Variants in SFRP1 observed in about 807,000 individuals in gnomAD.
SFRP1 encodes secreted frizzled related protein 1.
Under a neutral mutation model 25.9 loss-of-function variants are expected in SFRP1, and 9 were observed. That is an observed-to-expected ratio of 0.35 (90% CI 0.21 to 0.61). The LOEUF (loss-of-function observed/expected upper bound fraction) is 0.61. Ranked by LOEUF, SFRP1 falls within the 20% of genes least tolerant of loss-of-function variation. SFRP1 has a pLI of 0.78. For synonymous variants in SFRP1, 178 were observed against 174.0 expected (o/e 1.02, Z -0.18); for missense variants, 346 against 418.2 (o/e 0.83, Z 1.51).
chr8:41,286,583 A>G (rs1411289449), intron 2 of SFRP1, among the ~76,000 whole-genome samples: 4 of 152,114 alleles, frequency 2.6e-5, no homozygotes, highest in Admixed American at 6.6e-5. Flanking sequence ...GTCCGTTCCC[A>G]AAGAGTCACA....
At chr8:41,293,009 C>A (rs757882133) in intron 2 of SFRP1, among the ~76,000 whole-genome samples, 1 of 152,216 alleles carries the variant, frequency 6.6e-6, no homozygotes, top group South Asian at 2.1e-4. Flanking sequence ...GTGGAAGCAG[C>A]GGCTGCGGGT....
chr8:41,299,020 G>A (rs1361736317), intron 2 of SFRP1, among the ~76,000 whole-genome samples: 1 of 152,020 alleles, frequency 6.6e-6, no homozygotes, highest in Non-Finnish European at 1.5e-5. Flanking sequence ...CAAAGATGAG[G>A]ACATGATGCA....
intron 2 of SFRP1, among the ~76,000 whole-genome samples, chr8:41,298,556 G>A (rs576101161): frequency 2.0e-5 from 3 of 152,118 alleles, no homozygotes; most frequent in Non-Finnish European, 4.4e-5. Context: ...ACAGGTGCAT[G>A]ACACCATGCC....
chr8:41,308,420 G>A (rs902115467), intron 1 of SFRP1, among the ~76,000 whole-genome samples, 196 bp downstream of exon 1: 3 of 152,260 alleles, frequency 2.0e-5, no homozygotes, highest in African/African-American at 7.2e-5. Flanking sequence ...CCTGGGTCGC[G>A]AGGGGCGCTG....
chr8:41,309,041 T>C lies in SFRP1; in HGVS notation c.119A>G (p.Gln40Arg). The C allele has an allele frequency of 6.2e-7, 1 of 1,607,474 alleles. No individual in the cohort carries two copies. Residue 40 changes from glutamine to arginine, a missense_variant, in exon 1 of 3, where the codon CAG becomes CGG. Coordinates refer to ENST00000220772, the MANE Select transcript of SFRP1 (RefSeq NM_003012.5). The part of the protein sequence containing the change: ...SASEYDYVSF[Q>R]SDIGPYQSGR... ...GCTCTGGTACGGGCCGATGTCCGACTGGAAGCTCACGTAGTCGTACTCGCT... is the reference window on the plus strand; with the variant it reads ...GCTCTGGTACGGGCCGATGTCCGACCGGAAGCTCACGTAGTCGTACTCGCT...
chr8:41,280,140 C>T (rs1459954787), intron 2 of SFRP1, among the ~76,000 whole-genome samples: 1 of 152,202 alleles, frequency 6.6e-6, no homozygotes, highest in African/African-American at 2.4e-5. Flanking sequence ...CTCCCAAGTC[C>T]AGGGGAGTGC....
At chr8:41,284,355 C>A (rs1325460905) in intron 2 of SFRP1, among the ~76,000 whole-genome samples, 2 of 147,544 alleles carry the variant, frequency 1.4e-5, no homozygotes, top group African/African-American at 5.0e-5. Flanking sequence ...TGCTGGAGGG[C>A]CCCTCCCACA....
chr8:41,307,041 G>C (rs940601467), intron 1 of SFRP1: 1 of 1,429,978 alleles, frequency 7.0e-7, no homozygotes, highest in African/African-American at 1.4e-5. Flanking sequence ...ATGGACTCCA[G>C]GTCAGGGCTG....
At chr8:41,298,558 C>A (rs1803872089) in intron 2 of SFRP1, among the ~76,000 whole-genome samples, 1 of 152,102 alleles carries the variant, frequency 6.6e-6, no homozygotes, top group African/African-American at 2.4e-5. Context: ...AGGTGCATGA[C>A]ACCATGCCCA....
intron 2 of SFRP1, among the ~76,000 whole-genome samples, chr8:41,285,011 C>T (rs1803681050): frequency 6.6e-6 from 1 of 152,340 alleles, no homozygotes; most frequent in Non-Finnish European, 1.5e-5. Flanking sequence ...ACTCAGTCCC[C>T]TCCGCTTCCG....
chr8:41,286,521 G>A (rs1310938603), intron 2 of SFRP1, among the ~76,000 whole-genome samples: 1 of 152,146 alleles, frequency 6.6e-6, no homozygotes, highest in African/African-American at 2.4e-5. Flanking sequence ...AGGGGGTTCA[G>A]CCCTGGGCCT....
intron 2 of SFRP1, among the ~76,000 whole-genome samples, chr8:41,266,860 A>G (rs933976672): frequency 6.6e-6 from 1 of 152,222 alleles, no homozygotes; most frequent in East Asian, 1.9e-4. Flanking sequence ...TGCACTCAGC[A>G]AGGGAAAGTT....
chr8:41,272,880 T>C (rs1274306032), intron 2 of SFRP1, among the ~76,000 whole-genome samples: 3 of 152,130 alleles, frequency 2.0e-5, no homozygotes, highest in African/African-American at 4.8e-5. Context: ...CAAAGAATCA[T>C]GACATTTACA....
intron 2 of SFRP1, among the ~76,000 whole-genome samples, chr8:41,297,824 T>A (rs1029496804): frequency 6.6e-6 from 1 of 151,944 alleles, no homozygotes; most frequent in Admixed American, 6.6e-5. Context: ...GCTCCTTCCG[T>A]GTGCTGGGCA....
intron 2 of SFRP1, among the ~76,000 whole-genome samples, chr8:41,267,143 T>C (rs1487258678): frequency 6.6e-6 from 1 of 152,250 alleles, no homozygotes; most frequent in African/African-American, 2.4e-5. Context: ...ATCCAGGTGA[T>C]GAGCTCTCTT....
intron 2 of SFRP1, among the ~76,000 whole-genome samples, chr8:41,288,371 T>TAAAAAAAAATAA (rs1803733470): frequency 6.7e-6 from 1 of 150,060 alleles, no homozygotes. Flanking sequence ...TAAAATGAAA[T>TAAAAAAAAATAA]AAAAATAAAA....
chr8:41,307,331 G>A (rs1467525707), intron 1 of SFRP1, among the ~76,000 whole-genome samples: 82 of 152,332 alleles, frequency 5.4e-4, no homozygotes, highest in Non-Finnish European at 4.4e-5. Context: ...GACAGTCACT[G>A]TGGACCCATC....
intron 2 of SFRP1, among the ~76,000 whole-genome samples, chr8:41,288,470 G>A (rs564465269): frequency 8.9e-5 from 12 of 134,668 alleles, no homozygotes; most frequent in Non-Finnish European, 1.2e-4. Flanking sequence ...CCAGGAGTTC[G>A]AGGCTGCACT....
intron 2 of SFRP1, among the ~76,000 whole-genome samples, chr8:41,266,876 T>C (rs1374219748): frequency 6.6e-6 from 1 of 152,196 alleles, no homozygotes; most frequent in Non-Finnish European, 1.5e-5. Context: ...AAGTTAAAGG[T>C]TGTTTCAAAT....
Sources: allele counts gnomAD v4.1 joint callset (sites outside exome capture counted in the v4.1 genomes callset), GRCh38; gene constraint gnomAD v4.1.1; transcripts MANE v1.5; gene names NCBI Gene and HGNC (gene_info 2026-07-23, HGNC 2026-07-21).